The following ALPK1 variants were observed in gnomAD, a reference collection of about 807,000 sequenced individuals.
ALPK1 encodes the protein alpha-protein kinase 1.
In ALPK1, 110 loss-of-function variants were observed where a neutral mutation model predicts 120.6. The observed-to-expected ratio is 0.91, with a 90% CI of 0.78 to 1.07. ALPK1 has a LOEUF of 1.07. Among genes scored for constraint, ALPK1 ranks in the 50% least tolerant of loss-of-function variants. ALPK1 has a pLI of 0.00. For synonymous variants in ALPK1, 582 were observed against 560.3 expected (o/e 1.04, Z -0.55); for missense variants, 1,498 against 1,483.9 (o/e 1.01, Z -0.16).
At chr4:112,437,937 G>A (rs1734856755) in intron 12 of ALPK1, among the ~76,000 whole-genome samples, 1 of 152,174 alleles carries the variant, frequency 6.6e-6, no homozygotes, top group African/African-American at 2.4e-5. Context: ...ACTGCCTTGT[G>A]TCTTCCCACA....
At chr4:112,394,877 G>A (rs575542954) in intron 4 of ALPK1, among the ~76,000 whole-genome samples, 2 of 152,290 alleles carry the variant, frequency 1.3e-5, no homozygotes, top group East Asian at 1.9e-4. Context: ...CAAGTGTTGG[G>A]CAGACAAAAG....
At chr4:112,440,499 G>A (rs1282631035) in intron 14 of ALPK1, among the ~76,000 whole-genome samples, 1 of 147,772 alleles carries the variant, frequency 6.8e-6, no homozygotes, top group Non-Finnish European at 1.5e-5. Flanking sequence ...GTGTTTTGTA[G>A]AGTGTCTGCA....
rs186710454 is a variant in ALPK1 at position 112,358,968 on chromosome 4, A to C, written c.-100-18710A>C. The C allele has an allele frequency of 1.2e-4, 92 of 768,782 alleles. 2 individuals are homozygous for C. In the African/African-American group the frequency reaches 1.4e-3, roughly 12 times the overall value. 47.6% of individuals were successfully genotyped at this position (768,782 alleles called of 1,614,324 possible). On this transcript the variant is annotated intron_variant, in intron 2 of 15. Transcript: ENST00000650871. Reference sequence around the variant, plus strand: ...CTACCAGTTTGTGCAGCCCCACCACAAGCAGCAGTTTGAGGAGGTCTGTAT... The same window carrying C: ...CTACCAGTTTGTGCAGCCCCACCACCAGCAGCAGTTTGAGGAGGTCTGTAT...
chr4:112,344,449 A>G (rs1730018242), intron 2 of ALPK1, among the ~76,000 whole-genome samples: 1 of 150,862 alleles, frequency 6.6e-6, no homozygotes, highest in South Asian at 2.1e-4. Flanking sequence ...GATAATTTGG[A>G]TCAGGCTAGG....
chr4:112,342,825 A>C (rs1578481389), intron 2 of ALPK1, among the ~76,000 whole-genome samples: 1 of 152,250 alleles, frequency 6.6e-6, no homozygotes, highest in Non-Finnish European at 1.5e-5. Context: ...CAACTTGCCC[A>C]TTCTCTCATA....
In ALPK1 at chr4:112,300,017, G is replaced by A. The variant is rs187015313; in HGVS notation, c.-153+2548G>A. Among the ~76,000 whole-genome samples, 70 of 152,168 alleles carry A rather than the reference G, an allele frequency of 4.6e-4. 1 individual carries two copies. The highest frequency in any genetic ancestry group is 2.9e-3 in the Admixed American group (44 of 15,282). On this transcript the variant is annotated intron_variant, in intron 1 of 15. Coordinates refer to ENST00000650871, the MANE Select transcript of ALPK1 (RefSeq NM_025144.4). ...CTATATGCAATAATTTCATTTCTGG[G>A]AATCCATCCTAAGGGGGAAATAATT...
intron 2 of ALPK1, chr4:112,357,033 A>T: frequency 1.2e-6 from 1 of 820,792 alleles, no homozygotes; most frequent in Non-Finnish European, 2.1e-6. Flanking sequence ...TTCAGCGCGG[A>T]CCCCACCAGC....
intron 3 of ALPK1, among the ~76,000 whole-genome samples, chr4:112,378,607 T>A (rs1046067241): frequency 2.6e-4 from 39 of 152,208 alleles, no homozygotes; most frequent in Non-Finnish European, 5.0e-4. Flanking sequence ...GATTTCTTTT[T>A]AGCATTTGAA....
intron 6 of ALPK1, among the ~76,000 whole-genome samples, 195 bp downstream of exon 6, chr4:112,424,198 T>TAAAA (rs34591132): frequency 7.4e-5 from 11 of 148,458 alleles, no homozygotes; most frequent in African/African-American, 2.5e-4. Context: ...TTCTCTAAGT[T>TAAAA]AAAAAAAAAA....
chr4:112,350,675 ACT>A (rs1038589245), intron 2 of ALPK1, among the ~76,000 whole-genome samples: 1 of 151,966 alleles, frequency 6.6e-6, no homozygotes, highest in Admixed American at 6.6e-5. Flanking sequence ...ACAAGTCAGG[ACT>A]CTGCACTCTT....
intron 2 of ALPK1, among the ~76,000 whole-genome samples, chr4:112,360,022 A>C (rs985244913): frequency 3.3e-5 from 5 of 152,144 alleles, no homozygotes; most frequent in African/African-American, 4.8e-5. Context: ...TCTTGAGTTC[A>C]TTGCTCCTCT....
At chr4:112,380,696 T>C (rs538750389) in intron 3 of ALPK1, among the ~76,000 whole-genome samples, 1 of 152,316 alleles carries the variant, frequency 6.6e-6, no homozygotes, top group African/African-American at 2.4e-5. Flanking sequence ...ATGTCTTTTT[T>C]ATAGATGATA....
rs1386813897 is a variant in ALPK1, at chr4:112,425,691, G to A, written c.562G>A (p.Asp188Asn). The A allele has an allele frequency of 6.2e-7, 1 of 1,613,068 alleles. No individual in the cohort carries two copies. Among genetic ancestry groups the A allele is most frequent in the Non-Finnish European group, 8.5e-7 (1 of 1,179,316 alleles). Residue 188 changes from aspartate to asparagine, a missense_variant, in exon 7 of 16, where the codon GAC (aspartate) becomes AAC (asparagine). Coordinates refer to ENST00000650871, the MANE Select transcript of ALPK1 (RefSeq NM_025144.4). ...TGTWLYRNES[D>N]KVLVQSVCIQ... is the part of the protein sequence containing the mutation. ...TACCTGGCTGTACAGAAATGAAAGT[G>A]ACAAGGTCCTGGTGCAGTCGGTCTG...
intron 2 of ALPK1, among the ~76,000 whole-genome samples, chr4:112,348,177 C>G (rs577592462): frequency 4.6e-5 from 7 of 152,306 alleles, no homozygotes; most frequent in African/African-American, 1.7e-4. Flanking sequence ...GTGTAGAATC[C>G]TGAAAGTCTA....
chr4:112,438,607 T>G lies in ALPK1; in HGVS notation c.3312T>G (p.Ile1104Met). The G allele has an allele frequency of 6.2e-7, 1 of 1,613,830 alleles. No homozygotes were observed. The change falls in exon 13 of 16, where the codon ATT (isoleucine) becomes ATG (methionine). Residue 1104 changes from isoleucine to methionine, a missense_variant. Transcript: ENST00000650871. Reference sequence around the variant, plus strand: ...ACAAGAGACTCTATGAACAAAACATTCCCACCCAGATATTCTACATCCCAT... The same window carrying G: ...ACAAGAGACTCTATGAACAAAACATGCCCACCCAGATATTCTACATCCCAT... ...EFNKRLYEQN[I>M]PTQIFYIPST... is the part of the protein sequence containing the mutation.
At chr4:112,323,938 G>A (rs1010691619) in intron 2 of ALPK1, among the ~76,000 whole-genome samples, 9 of 152,208 alleles carry the variant, frequency 5.9e-5, no homozygotes, top group Admixed American at 2.6e-4. Flanking sequence ...TGGAGTAGTA[G>A]TGAGTGGGCC....
intron 4 of ALPK1, among the ~76,000 whole-genome samples, chr4:112,390,949 C>T (rs10488907): frequency 0.18 from 27,395 of 152,030 alleles, 3,266 homozygotes; most frequent in Non-Finnish European, 0.26. Context: ...CCTGCATAAA[C>T]GTTAGGCTTG....
At chr4:112,417,676 A>T (rs1381996377) in intron 5 of ALPK1, among the ~76,000 whole-genome samples, 1 of 152,102 alleles carries the variant, frequency 6.6e-6, no homozygotes, top group Non-Finnish European at 1.5e-5. Flanking sequence ...TGTAGAGTCG[A>T]GGTCTCTCTA....
chr4:112,350,642 C>T (rs1730313093), intron 2 of ALPK1, among the ~76,000 whole-genome samples: 1 of 152,190 alleles, frequency 6.6e-6, no homozygotes, highest in African/African-American at 2.4e-5. Context: ...TAGTGGAAAG[C>T]AAAGTGATCA....
Sources: gnomAD v4.1 joint callset for allele counts (sites outside exome capture counted in the v4.1 genomes callset) on GRCh38, gnomAD v4.1.1 for gene constraint, MANE v1.5 for transcripts, NCBI Gene and HGNC (gene_info 2026-07-23, HGNC 2026-07-21) for gene names.